RPAP2: variants seen among roughly 807,000 people sequenced by gnomAD.
RPAP2 encodes the protein putative RNA polymerase II subunit B1 CTD phosphatase RPAP2.
Under a neutral mutation model 73.1 loss-of-function variants are expected in RPAP2, and 52 were observed. The observed-to-expected ratio is 0.71, with a 90% CI of 0.57 to 0.90. RPAP2 has a LOEUF of 0.90. Among genes scored for constraint, RPAP2 ranks in the 40% least tolerant of loss-of-function variants. RPAP2 has a pLI of 0.00. For synonymous variants in RPAP2, 225 were observed against 242.1 expected (o/e 0.93, Z 0.65); for missense variants, 598 against 701.8 (o/e 0.85, Z 1.67).
At chr1:92,363,281 T>G (rs1326723075) in intron 11 of RPAP2, among the ~76,000 whole-genome samples, 1 of 151,810 alleles carries the variant, frequency 6.6e-6, no homozygotes, top group Non-Finnish European at 1.5e-5. Context: ...AAGGAGCCAA[T>G]AAAGAAAAAT....
chr1:92,312,377 C>T (rs1489625129), intron 6 of RPAP2, among the ~76,000 whole-genome samples: 1 of 150,876 alleles, frequency 6.6e-6, no homozygotes, highest in Admixed American at 6.6e-5. Flanking sequence ...TTAGATCACA[C>T]CACTGCACTC....
Position 92,388,042 on chromosome 1 carries a change from C to CA in RPAP2, c.*1037dup, listed in dbSNP as rs1173066458. The CA allele has an allele frequency of 6.6e-6, 1 of 151,940 alleles. No homozygotes were observed. Among genetic ancestry groups the CA allele is most frequent in the Non-Finnish European group, 1.5e-5 (1 of 68,008 alleles). 9.4% of individuals were successfully genotyped at this position (151,940 alleles called of 1,614,324 possible). On this transcript the variant is annotated 3_prime_UTR_variant, in exon 13 of 13. Coordinates refer to ENST00000610020, the MANE Select transcript of RPAP2 (RefSeq NM_024813.3). ...TGATTGTGTAAGGGTCTAACCACAACAAAAAATCATAGTGTAATAGAATTA... is the reference window on the plus strand; with the variant it reads ...TGATTGTGTAAGGGTCTAACCACAACAAAAAAATCATAGTGTAATAGAATTA...
chr1:92,352,246 G>A (rs1440638409), intron 11 of RPAP2, among the ~76,000 whole-genome samples: 2 of 152,142 alleles, frequency 1.3e-5, no homozygotes, highest in Admixed American at 6.5e-5. Context: ...TATTCCTGTC[G>A]TTCAGGGAGT....
chr1:92,301,640 A>C lies in RPAP2; in HGVS notation c.234+50A>C, dbSNP rs1650865733. The C allele has an allele frequency of 3.9e-6, 3 of 764,704 alleles. No individual in the cohort carries two copies. The Admixed American group carries it at 8.7e-5, about 22-fold the overall frequency. The allele number at this position is 764,704 out of a possible 1,614,324, so 47.4% of individuals were successfully genotyped here. On this transcript the variant is annotated intron_variant, in intron 3 of 12. Coordinates refer to ENST00000610020, the MANE Select transcript of RPAP2 (RefSeq NM_024813.3). Reference sequence around the variant, plus strand: ...TAGTTTTGTAGTATAACATCTTTAAATCTGTGCAGCATGAAACTTCTTTGC... The same window carrying C: ...TAGTTTTGTAGTATAACATCTTTAACTCTGTGCAGCATGAAACTTCTTTGC...
At chr1:92,323,339 G>T in intron 7 of RPAP2, 106 bp from the exon 8 acceptor site, 1 of 690,374 alleles carries the variant, frequency 1.4e-6, no homozygotes, top group Non-Finnish European at 2.2e-6. Flanking sequence ...TTTCTACCTT[G>T]AAAGTTACAA....
intron 8 of RPAP2, among the ~76,000 whole-genome samples, chr1:92,332,120 T>C (rs1653003926): frequency 6.6e-6 from 1 of 152,044 alleles, no homozygotes; most frequent in Non-Finnish European, 1.5e-5. Flanking sequence ...AGTCTTTTTT[T>C]TTACTGTATC....
intron 6 of RPAP2, among the ~76,000 whole-genome samples, chr1:92,318,005 CA>C (rs759791874): frequency 7.2e-5 from 11 of 152,178 alleles, no homozygotes; most frequent in Non-Finnish European, 1.3e-4. Context: ...CTGCAGCTAT[CA>C]CTCCTGAGTC....
At chr1:92,300,131 T>G in intron 1 of RPAP2, 63 bp from the exon 2 acceptor site, 1 of 1,119,934 alleles carries the variant, frequency 8.9e-7, no homozygotes, top group Non-Finnish European at 1.3e-6. Flanking sequence ...GACCGCTGTC[T>G]GTATGCTGTC....
intron 11 of RPAP2, among the ~76,000 whole-genome samples, chr1:92,360,690 C>G (rs1021085970): frequency 6.6e-6 from 1 of 152,172 alleles, no homozygotes; most frequent in African/African-American, 2.4e-5. Flanking sequence ...ACATATTTCT[C>G]TCTCCTTGCC....
At chr1:92,322,792 G>C (rs1489318737) in intron 7 of RPAP2, among the ~76,000 whole-genome samples, 1 of 151,198 alleles carries the variant, frequency 6.6e-6, no homozygotes, top group Non-Finnish European at 1.5e-5. Context: ...TGGGAGAATC[G>C]CTTGAACCTA....
chr1:92,327,194 T>G (rs998638976), intron 8 of RPAP2, among the ~76,000 whole-genome samples: 1 of 152,238 alleles, frequency 6.6e-6, no homozygotes, highest in African/African-American at 2.4e-5. Context: ...TTAGATTTCA[T>G]TGTTGACCTA....
At chr1:92,304,196 A>G (rs1017603290) in intron 4 of RPAP2, 88 bp from the exon 5 acceptor site, 14 of 1,115,612 alleles carry the variant, frequency 1.3e-5, no homozygotes, top group Middle Eastern at 3.9e-4. Context: ...TTGGCCAATG[A>G]TATGATATGT....
chr1:92,335,860 T>C (rs1359850806), intron 9 of RPAP2, among the ~76,000 whole-genome samples: 3 of 152,186 alleles, frequency 2.0e-5, no homozygotes, highest in African/African-American at 4.8e-5. Context: ...ATCTGATTAT[T>C]TCCTTAGATT....
chr1:92,302,663 G>T (rs1446777983), intron 3 of RPAP2, among the ~76,000 whole-genome samples: 1 of 137,638 alleles, frequency 7.3e-6, no homozygotes, highest in East Asian at 2.1e-4. Flanking sequence ...GTGCAGTGGC[G>T]GGATCTCTGC....
At position 92,389,590 on chromosome 1, in the gene RPAP2, C is replaced by T. The variant is rs1168932237; in HGVS notation, c.*2579C>T. 1 of 152,140 alleles carries T rather than the reference C, an allele frequency of 6.6e-6. No individual in the cohort carries two copies. The highest frequency in any genetic ancestry group is 2.4e-5 in the African/African-American group (1 of 41,436). 9.4% of individuals were successfully genotyped at this position (152,140 alleles called of 1,614,324 possible). ...GCTTCAGAAGGTCGGTAATAACAAACTTCTCCAAGCTAAAGGAGCATGTTC... is the reference window on the plus strand; with the variant it reads ...GCTTCAGAAGGTCGGTAATAACAAATTTCTCCAAGCTAAAGGAGCATGTTC... On this transcript the variant is annotated 3_prime_UTR_variant, in exon 13 of 13. Transcript: ENST00000610020.
In RPAP2 at chr1:92,394,133, A is replaced by T. The variant is rs1334913714; in HGVS notation, c.*7122A>T. 1 of 152,242 alleles carries T rather than the reference A, an allele frequency of 6.6e-6. No individual in the cohort carries two copies. The highest frequency in any genetic ancestry group is 2.4e-5 in the African/African-American group (1 of 41,466). The allele number at this position is 152,242 out of a possible 1,614,324, so 9.4% of individuals were successfully genotyped here. ...AAATGTGGCACATGTATACCATGGA[A>T]TACTATGCAGCCATAAAAAAGGATG... is the stretch of plus-strand genomic sequence containing the variant. On this transcript the variant is annotated 3_prime_UTR_variant, in exon 13 of 13. Transcript: ENST00000610020.
intron 10 of RPAP2, among the ~76,000 whole-genome samples, chr1:92,336,864 A>G (rs983492776): frequency 6.6e-6 from 1 of 152,158 alleles, no homozygotes; most frequent in Non-Finnish European, 1.5e-5. Flanking sequence ...ACAGTGGGCA[A>G]TTTAATATTG....
chr1:92,384,178 G>T (rs968408452), intron 12 of RPAP2, among the ~76,000 whole-genome samples: 1 of 151,500 alleles, frequency 6.6e-6, no homozygotes, highest in African/African-American at 2.4e-5. Context: ...GGATGGTCTC[G>T]ATTTCTTGAC....
chr1:92,354,612 A>G (rs1317116562), intron 11 of RPAP2, among the ~76,000 whole-genome samples: 3 of 152,182 alleles, frequency 2.0e-5, no homozygotes, highest in African/African-American at 7.2e-5. Context: ...GCAAACATTA[A>G]CAGGACATAA....
Sources: allele counts gnomAD v4.1 joint callset (sites outside exome capture counted in the v4.1 genomes callset), GRCh38; gene constraint gnomAD v4.1.1; transcripts MANE v1.5; gene names NCBI Gene and HGNC (gene_info 2026-07-23, HGNC 2026-07-21).